Variants in CSGALNACT1 observed in about 807,000 individuals in gnomAD.
CSGALNACT1 encodes beta4GalNAcT-1.
In CSGALNACT1, 52 loss-of-function variants were observed where a neutral mutation model predicts 51.0. That is an observed-to-expected ratio of 1.02 (90% CI 0.82 to 1.29). The LOEUF (loss-of-function observed/expected upper bound fraction) is 1.29. Among genes scored for constraint, CSGALNACT1 ranks in the 50% most tolerant of loss-of-function variants. The pLI is 0.00. For missense variants in CSGALNACT1, 935 were observed against 679.2 expected (o/e 1.38, Z -4.19); for synonymous variants, 341 against 254.4 (o/e 1.34, Z -3.24).
At chr8:19,516,079 C>T (rs968153423) in intron 3 of CSGALNACT1, among the ~76,000 whole-genome samples, 1 of 152,180 alleles carries the variant, frequency 6.6e-6, no homozygotes, top group Admixed American at 6.5e-5. Context: ...TCACCCCAAA[C>T]TGAGAACCGC....
At chr8:19,599,988 G>A (rs947988639) in intron 2 of CSGALNACT1, among the ~76,000 whole-genome samples, 3 of 152,208 alleles carry the variant, frequency 2.0e-5, no homozygotes, top group Admixed American at 6.5e-5. Context: ...GCCATAAGTT[G>A]TGCAGTAGGG....
chr8:19,453,211 C>G (rs533713000), intron 5 of CSGALNACT1, among the ~76,000 whole-genome samples: 2 of 152,128 alleles, frequency 1.3e-5, no homozygotes, highest in Admixed American at 6.5e-5. Flanking sequence ...ACATGTTTCA[C>G]ACTTTATTAA....
intron 1 of CSGALNACT1, among the ~76,000 whole-genome samples, chr8:19,609,701 C>G (rs1490517937): frequency 6.6e-6 from 1 of 151,934 alleles, no homozygotes; most frequent in Admixed American, 6.6e-5. Flanking sequence ...GCAGGAGGGT[C>G]AGATTACTGA....
At chr8:19,514,724 T>C (rs2079187807) in intron 3 of CSGALNACT1, among the ~76,000 whole-genome samples, 1 of 149,288 alleles carries the variant, frequency 6.7e-6, no homozygotes. Flanking sequence ...TCCCAGCTGC[T>C]TGGGAGGCTG....
intron 4 of CSGALNACT1, among the ~76,000 whole-genome samples, chr8:19,471,121 G>C (rs773404129): frequency 4.0e-5 from 6 of 151,654 alleles, no homozygotes; most frequent in Non-Finnish European, 5.9e-5. Flanking sequence ...AACAAAAGGA[G>C]AGAGAGGGGA....
chr8:19,662,064 ACCCCCCCCCACCCCCCC>A (rs1345676786), intron 1 of CSGALNACT1, among the ~76,000 whole-genome samples: 2 of 37,090 alleles, frequency 5.4e-5, no homozygotes, highest in South Asian at 1.2e-3. Context: ...AGTTGCCCCC[ACCCCCCCCCACCCCCCC>A]CCCCCCCCGC....
At chr8:19,448,593 T>A (rs1217247625) in intron 5 of CSGALNACT1, among the ~76,000 whole-genome samples, 1 of 152,046 alleles carries the variant, frequency 6.6e-6, no homozygotes, top group Non-Finnish European at 1.5e-5. Flanking sequence ...CACGGTTATT[T>A]CCACTGGGTG....
chr8:19,416,109 C>CT (rs34491658), intron 8 of CSGALNACT1, among the ~76,000 whole-genome samples: 6,446 of 116,610 alleles, frequency 0.055, 371 homozygotes, highest in South Asian at 0.094. Flanking sequence ...GAAATGAAAA[C>CT]TTTTTTTTTT....
intron 1 of CSGALNACT1, among the ~76,000 whole-genome samples, chr8:19,756,858 C>T (rs1192275049): frequency 6.6e-6 from 1 of 152,130 alleles, no homozygotes; most frequent in Non-Finnish European, 1.5e-5. Flanking sequence ...ACGAGAAACG[C>T]TGGTGAAGCC....
At position 19,458,464 on chromosome 8, in the gene CSGALNACT1, T is replaced by C. The variant is rs2064616875; in HGVS notation, c.813A>G (p.Lys271=). 3 of 1,614,036 alleles carry C rather than the reference T, an allele frequency of 1.9e-6. No individual in the cohort carries two copies. The African/African-American group carries it at 4.0e-5, about 22-fold the overall frequency. The change falls in exon 5 of 10, where the codon AAA becomes AAG. Residue 271 remains lysine, a synonymous_variant. Coordinates refer to ENST00000454498, the Ensembl canonical transcript of CSGALNACT1. ...TGAACTGCCGGAACTTGTCCACCCTTTTTGCTAGAGGCACGATAACATTGA... is the reference window on the plus strand; with the variant it reads ...TGAACTGCCGGAACTTGTCCACCCTCTTTGCTAGAGGCACGATAACATTGA...
chr8:19,647,221 A>G (rs1197059582), intron 1 of CSGALNACT1, among the ~76,000 whole-genome samples: 1 of 152,090 alleles, frequency 6.6e-6, no homozygotes, highest in Admixed American at 6.5e-5. Context: ...CTGCTATCCA[A>G]CAAGTATTTC....
intron 1 of CSGALNACT1, among the ~76,000 whole-genome samples, chr8:19,698,720 T>G (rs948384255): frequency 1.9e-4 from 29 of 152,132 alleles, no homozygotes; most frequent in African/African-American, 6.8e-4. Context: ...GAATCACCGG[T>G]AGGAATGCAA....
chr8:19,628,727 C>T (rs1280189169), intron 1 of CSGALNACT1, among the ~76,000 whole-genome samples: 3 of 151,762 alleles, frequency 2.0e-5, no homozygotes, highest in Non-Finnish European at 2.9e-5. Context: ...GCAATCTCTT[C>T]GCTTCAGTCT....
intron 8 of CSGALNACT1, 60 bp downstream of exon 7, chr8:19,418,596 C>A (rs1344411977): frequency 4.6e-6 from 5 of 1,098,126 alleles, no homozygotes; most frequent in Non-Finnish European, 7.0e-6. Context: ...GTCAGGTACC[C>A]CTGGTAATGA....
intron 4 of CSGALNACT1, among the ~76,000 whole-genome samples, chr8:19,499,581 A>G (rs771025175): frequency 6.6e-5 from 10 of 152,236 alleles, no homozygotes; most frequent in Non-Finnish European, 1.2e-4. Flanking sequence ...AGCTTCTGCA[A>G]TTGCAACAAA....
intron 1 of CSGALNACT1, among the ~76,000 whole-genome samples, chr8:19,664,897 G>T (rs2059063198): frequency 6.6e-6 from 1 of 152,198 alleles, no homozygotes; most frequent in African/African-American, 2.4e-5. Context: ...TGGGAGGATG[G>T]GGGGTGAGAG....
At position 19,701,334 on chromosome 8, in the gene CSGALNACT1, A is replaced by G. The variant is rs866662660; in HGVS notation, c.-297+56516T>C. Among the ~76,000 whole-genome samples the G allele has an allele frequency of 2.1e-4, 31 of 150,900 alleles. No individual in the cohort carries two copies. The South Asian group carries it at 3.3e-3, about 16-fold the overall frequency. Reference sequence around the variant, plus strand: ...ACACCAAGCTAATTTTTGTATTTTTAGTAGACAAGGGGTTTCACCATGTTG... The same window carrying G: ...ACACCAAGCTAATTTTTGTATTTTTGGTAGACAAGGGGTTTCACCATGTTG... On this transcript the variant is annotated intron_variant, in intron 1 of 1. Coordinates refer to the CSGALNACT1 transcript ENST00000517494.
intron 3 of CSGALNACT1, among the ~76,000 whole-genome samples, chr8:19,579,743 A>G (rs2045141137): frequency 6.6e-6 from 1 of 152,248 alleles, no homozygotes; most frequent in Non-Finnish European, 1.5e-5. Flanking sequence ...AAAAACAGTT[A>G]TGGTATTTGC....
At chr8:19,411,104 C>G (rs1006297634) in intron 8 of CSGALNACT1, among the ~76,000 whole-genome samples, 1 of 152,186 alleles carries the variant, frequency 6.6e-6, no homozygotes, top group African/African-American at 2.4e-5. Flanking sequence ...TCTCCAAGGC[C>G]AGATACTTGC....
Sources: allele counts gnomAD v4.1 joint callset (sites outside exome capture counted in the v4.1 genomes callset), GRCh38; gene constraint gnomAD v4.1.1; transcripts MANE v1.5; gene names NCBI Gene and HGNC (gene_info 2026-07-23, HGNC 2026-07-21).